Variants in ERICH6B observed in about 807,000 individuals in gnomAD.
ERICH6B encodes the protein glutamate rich 6B, also known as glutamate-rich protein 6B.
Under a neutral mutation model 80.0 loss-of-function variants are expected in ERICH6B, and 69 were observed. The observed-to-expected ratio is 0.86, with a 90% CI of 0.71 to 1.05. The LOEUF (loss-of-function observed/expected upper bound fraction) is 1.05, where lower values mean the gene tolerates loss of function less well. ERICH6B is among the 50% of genes least tolerant of loss of function. The probability of loss-of-function intolerance (pLI) is 0.00; values close to 1 mark genes in which losing one functional copy is unlikely to be tolerated. For synonymous variants in ERICH6B, 283 were observed against 291.9 expected, an observed-to-expected ratio of 0.97 and a Z score of 0.31; for missense variants, 754 against 796.1, an observed-to-expected ratio of 0.95 and a Z score of 0.64.
intron 5 of ERICH6B, among the ~76,000 whole-genome samples, chr13:45,583,819 C>T (rs912095666): frequency 9.9e-5 from 15 of 152,166 alleles, no homozygotes; most frequent in Admixed American, 8.5e-4. Flanking sequence ...TCCCCAGCCA[C>T]GTGGAACTGT....
intron 8 of ERICH6B, among the ~76,000 whole-genome samples, chr13:45,571,083 C>G (rs116779885): frequency 6.6e-6 from 1 of 152,210 alleles, no homozygotes; most frequent in Non-Finnish European, 1.5e-5. Context: ...CAAGCTGCAT[C>G]ACTGCCTATC....
At chr13:45,565,376 C>T (rs1874869150) in intron 9 of ERICH6B, among the ~76,000 whole-genome samples, 1 of 152,218 alleles carries the variant, frequency 6.6e-6, no homozygotes, top group Non-Finnish European at 1.5e-5. Flanking sequence ...GGCACAAACT[C>T]ATACCTGGCT....
chr13:45,614,873 T>C (rs777516484), intron 1 of ERICH6B, among the ~76,000 whole-genome samples: 1 of 152,268 alleles, frequency 6.6e-6, no homozygotes, highest in African/African-American at 2.4e-5. Context: ...GTGAATTCCA[T>C]GGTGCCAGGC....
At chr13:45,542,645 G>A (rs1399856829) in intron 14 of ERICH6B, among the ~76,000 whole-genome samples, 1 of 152,090 alleles carries the variant, frequency 6.6e-6, no homozygotes, top group Non-Finnish European at 1.5e-5. Context: ...CCATTCAAAG[G>A]CCGGTGCCCC....
intron 13 of ERICH6B, 122 bp from the exon 14 acceptor site, chr13:45,545,107 G>C: frequency 1.2e-6 from 1 of 825,064 alleles, no homozygotes; most frequent in South Asian, 1.8e-5. Context: ...GACTTGATGG[G>C]TAGGAGAAGC....
In ERICH6B at chr13:45,541,570, G is replaced by A. The variant is rs1593767656; in HGVS notation, c.1983C>T (p.Leu661=). The change falls in exon 15 of 15, where the codon CTC becomes CTT. Residue 661 remains leucine, a synonymous_variant. Transcript: ENST00000298738. The stretch of plus-strand genomic sequence containing the variant: ...GATCAGGGGTGGTCGCGTAATTCAG[G>A]AGCCTATTCATTTTCCCCAGAAGGA... ...IRVLLGKMNR[L]LNYATTPDLE... is the part of the protein sequence containing the mutation. 6.4e-7 allele frequency: 1 copy of A among 1,551,942 alleles called. No individual in the cohort carries two copies. The highest frequency in any genetic ancestry group is 8.7e-7 in the Non-Finnish European group (1 of 1,147,062).
intron 1 of ERICH6B, among the ~76,000 whole-genome samples, chr13:45,609,117 C>A (rs1330714914): frequency 6.6e-6 from 1 of 152,176 alleles, no homozygotes; most frequent in Non-Finnish European, 1.5e-5. Context: ...TCCAATAATC[C>A]ATTCTTCAGA....
intron 2 of ERICH6B, among the ~76,000 whole-genome samples, chr13:45,602,381 G>A (rs1209103593): frequency 6.6e-6 from 1 of 152,214 alleles, no homozygotes; most frequent in Non-Finnish European, 1.5e-5. Context: ...ATCTATAAAT[G>A]TAAGATAGCC....
intron 8 of ERICH6B, 100 bp from the exon 9 acceptor site, chr13:45,568,551 A>T: frequency 8.6e-7 from 1 of 1,162,650 alleles, no homozygotes; most frequent in Non-Finnish European, 1.2e-6. Flanking sequence ...TGACACTTCA[A>T]CATATTATTC....
intron 2 of ERICH6B, among the ~76,000 whole-genome samples, chr13:45,606,533 ATATATATATATATATTTT>A (rs1317349919): frequency 2.1e-3 from 62 of 30,208 alleles, no homozygotes; most frequent in African/African-American, 7.8e-3. Flanking sequence ...ATATATATAT[ATATATATATATATATTTT>A]TTTTTTTTTT....
chr13:45,555,012 C>T (rs183329947), intron 11 of ERICH6B, among the ~76,000 whole-genome samples: 127 of 152,278 alleles, frequency 8.3e-4, no homozygotes, highest in Non-Finnish European at 7.9e-4. Flanking sequence ...GAGAGAGGAT[C>T]CTCTGCTTAG....
At chr13:45,589,256 G>A (rs1449625122) in intron 4 of ERICH6B, among the ~76,000 whole-genome samples, 1 of 151,916 alleles carries the variant, frequency 6.6e-6, no homozygotes, top group Non-Finnish European at 1.5e-5. Context: ...CACCAGGAAG[G>A]CCCCCCCAGG....
At chr13:45,590,758 A>G (rs1482010458) in intron 3 of ERICH6B, 61 bp from the exon 4 acceptor site, 1 of 1,450,490 alleles carries the variant, frequency 6.9e-7, no homozygotes, top group Non-Finnish European at 9.4e-7. Flanking sequence ...TTCTATTTAA[A>G]AATACGTTGT....
chr13:45,580,655 T>C lies in ERICH6B; in HGVS notation c.867A>G (p.Leu289=). 2 of 1,551,730 alleles carry C rather than the reference T, an allele frequency of 1.3e-6. No homozygotes were observed. Among genetic ancestry groups the C allele is most frequent in the Non-Finnish European group, 1.7e-6 (2 of 1,147,010 alleles). Residue 289 remains leucine (L), a synonymous_variant, in exon 6 of 15, where the codon TTA becomes TTG. Transcript: ENST00000298738. ...CTTGCTCTGTTTCTGATTTCGATTT[T>C]AAAGATTTTACTGTTAAAAGGCAGA... ...WCYDRTAVKS[L]KSKSETEQET... is the part of the protein sequence containing the mutation.
chr13:45,579,478 C>T (rs1187188316), intron 7 of ERICH6B, among the ~76,000 whole-genome samples: 1 of 152,120 alleles, frequency 6.6e-6, no homozygotes, highest in Non-Finnish European at 1.5e-5. Context: ...CCCTGTTCTT[C>T]CCCCTCGTAG....
At chr13:45,563,606 A>G (rs1874784787) in intron 10 of ERICH6B, 121 bp downstream of exon 10, 2 of 895,096 alleles carry the variant, frequency 2.2e-6, no homozygotes, top group Non-Finnish European at 3.6e-6. Context: ...TCAGCCCTGT[A>G]GGCACTGAAG....
intron 8 of ERICH6B, among the ~76,000 whole-genome samples, chr13:45,571,681 C>A (rs1377707660): frequency 6.6e-6 from 1 of 152,320 alleles, no homozygotes; most frequent in South Asian, 2.1e-4. Flanking sequence ...TGTGAAGTCT[C>A]CCTTAGACTG....
intron 12 of ERICH6B, 43 bp downstream of exon 12, chr13:45,550,188 C>T: frequency 6.5e-7 from 1 of 1,540,170 alleles, no homozygotes; most frequent in East Asian, 2.4e-5. Context: ...ATTTTAGGTG[C>T]CAATATATGT....
In ERICH6B at chr13:45,577,097, C is replaced by T. The variant is rs151113467; in HGVS notation, c.962-2167G>A. Among the ~76,000 whole-genome samples the T allele has an allele frequency of 3.0e-3, 460 of 151,938 alleles. 4 individuals are homozygous for T. The highest frequency in any genetic ancestry group is 2.9e-3 in the Non-Finnish European group (200 of 67,974). On this transcript the variant is annotated intron_variant, in intron 7 of 14. Transcript: ENST00000298738. ...GTAGCTCTGTCATCTGGAACCTGGG[C>T]CACTTCCGGCATGTCACTGTTGCAT...
Sources: gnomAD v4.1 joint callset for allele counts (sites outside exome capture counted in the v4.1 genomes callset) on GRCh38, gnomAD v4.1.1 for gene constraint, MANE v1.5 for transcripts, NCBI Gene and HGNC (gene_info 2026-07-23, HGNC 2026-07-21) for gene names.